MYH15: variants seen among roughly 807,000 people sequenced by gnomAD.
The protein encoded by MYH15 is myosin heavy chain 15, also known as myosin-15.
MYH15 carries 227 observed loss-of-function variants against 240.5 expected under a neutral mutation model. That is an observed-to-expected ratio of 0.94 (90% CI 0.85 to 1.05). The LOEUF (loss-of-function observed/expected upper bound fraction) is 1.05, where lower values mean the gene tolerates loss of function less well. MYH15 is among the 50% of genes least tolerant of loss of function. The pLI, the probability that MYH15 is intolerant of heterozygous loss-of-function variation, is 0.00. For missense variants in MYH15, 2,217 were observed against 2,247.5 expected, an observed-to-expected ratio of 0.99 and a Z score of 0.27; for synonymous variants, 785 against 796.7, an observed-to-expected ratio of 0.99 and a Z score of 0.25.
In MYH15 at chr3:108,381,220, C is replaced by T. The variant is rs1429872977; in HGVS notation, c.*325G>A. On this transcript the variant is annotated 3_prime_UTR_variant, in exon 41 of 41. Transcript: ENST00000693548. ...GGTCTAAGGACATCTTCTATGAGTCCTACCCATTAAGAGGAAATATGGACA... is the reference window on the plus strand; with the variant it reads ...GGTCTAAGGACATCTTCTATGAGTCTTACCCATTAAGAGGAAATATGGACA... The T allele has an allele frequency of 1.3e-5, 5 of 384,434 alleles. No individual in the cohort carries two copies. In the Admixed American group the frequency reaches 1.5e-4, roughly 12 times the overall value. The allele number at this position is 384,434 out of a possible 1,614,324, so 23.8% of individuals were successfully genotyped here.
At chr3:108,453,298 C>A (rs1263208353) in intron 21 of MYH15, among the ~76,000 whole-genome samples, 1 of 152,152 alleles carries the variant, frequency 6.6e-6, no homozygotes, top group African/African-American at 2.4e-5. Flanking sequence ...ATGTAATAAT[C>A]TTTTTCTCTT....
At chr3:108,391,463 AGGTAG>A (rs1168787514) in intron 37 of MYH15, among the ~76,000 whole-genome samples, 10 of 152,170 alleles carry the variant, frequency 6.6e-5, no homozygotes, top group Admixed American at 5.9e-4. Flanking sequence ...TGGAAACACC[AGGTAG>A]CCTTGGAGTG....
At chr3:108,409,960 T>C (rs2082575445) in intron 31 of MYH15, among the ~76,000 whole-genome samples, 1 of 152,202 alleles carries the variant, frequency 6.6e-6, no homozygotes, top group African/African-American at 2.4e-5. Flanking sequence ...TGTACAGGCA[T>C]GCAAAGACCC....
At chr3:108,417,828 T>C (rs552595681) in intron 28 of MYH15, among the ~76,000 whole-genome samples, 25 of 148,484 alleles carry the variant, frequency 1.7e-4, no homozygotes, top group East Asian at 1.4e-3. Flanking sequence ...CACACACACA[T>C]ATACACACTT....
rs2082480280 is a variant in MYH15 at position 108,398,633 on chromosome 3, C to G, written c.5133+4G>C. 2 of 1,612,450 alleles carry G rather than the reference C, an allele frequency of 1.2e-6. No homozygotes were observed. The highest frequency in any genetic ancestry group is 1.1e-5 in the South Asian group (1 of 91,004). On this transcript the variant is annotated splice_donor_region_variant and intron_variant, in intron 35 of 40. Transcript: ENST00000693548. ...AGCTAATAGGGAGAGTATATGGGCCCCACCTGGGTATAGAAAAGATTGATT... is the reference window on the plus strand; with the variant it reads ...AGCTAATAGGGAGAGTATATGGGCCGCACCTGGGTATAGAAAAGATTGATT...
intron 34 of MYH15, 69 bp downstream of exon 34, chr3:108,399,006 G>A: frequency 1.3e-6 from 2 of 1,517,258 alleles, no homozygotes; most frequent in Non-Finnish European, 1.8e-6. Context: ...ACAATCTGTT[G>A]CTTAGTTTGC....
chr3:108,464,124 A>T (rs542460673), intron 15 of MYH15, among the ~76,000 whole-genome samples: 39 of 152,190 alleles, frequency 2.6e-4, no homozygotes, highest in Non-Finnish European at 4.9e-4. Context: ...TTTTTGTTCC[A>T]CCAGAGTCAC....
intron 16 of MYH15, chr3:108,461,796 T>C (rs1185299694): frequency 1.3e-5 from 2 of 152,202 alleles, no homozygotes; most frequent in African/African-American, 4.8e-5. Flanking sequence ...TCCAGAATTA[T>C]GTCATCATGT....
upstream of MYH15, among the ~76,000 whole-genome samples, chr3:108,532,752 G>C (rs547983918): frequency 1.3e-5 from 2 of 152,126 alleles, no homozygotes; most frequent in Non-Finnish European, 2.9e-5. Flanking sequence ...TTTAAGATAC[G>C]ATCAAGGGTA....
At chr3:108,456,955 G>T in intron 18 of MYH15, 72 bp from the exon 19 acceptor site, 1 of 1,086,678 alleles carries the variant, frequency 9.2e-7, no homozygotes, top group South Asian at 1.3e-5. Context: ...TGAACCAATT[G>T]CTGCATCTTG....
At position 108,454,399 on chromosome 3, in the gene MYH15, TA is replaced by T. The variant is rs1560382916; in HGVS notation, c.2263-258del. 1.3e-5 allele frequency among the ~76,000 whole-genome samples: 2 copies of T among 152,204 alleles called. 1 individual carries two copies. The highest frequency in any genetic ancestry group is 2.9e-5 in the Non-Finnish European group (2 of 68,016). ...TTAAACTATTCTTCCCCTTATCTAT[TA>T]ATAATGTCTCAATTGTTTAGGGAAC... On this transcript the variant is annotated intron_variant, in intron 20 of 40. Coordinates refer to ENST00000693548, the MANE Select transcript of MYH15 (RefSeq NM_014981.3).
At chr3:108,408,649 T>C (rs546832141) in intron 31 of MYH15, among the ~76,000 whole-genome samples, 4 of 152,334 alleles carry the variant, frequency 2.6e-5, no homozygotes, top group African/African-American at 7.2e-5. Flanking sequence ...CTTCAGAGTA[T>C]TGTACACTGG....
intron 17 of MYH15, 93 bp downstream of exon 17, chr3:108,460,207 T>C: frequency 8.9e-7 from 1 of 1,128,442 alleles, no homozygotes; most frequent in Non-Finnish European, 1.2e-6. Context: ...CCTGATACTT[T>C]ATCCTTATTT....
At chr3:108,401,844 A>G (rs2082508205) in intron 33 of MYH15, among the ~76,000 whole-genome samples, 1 of 152,256 alleles carries the variant, frequency 6.6e-6, no homozygotes, top group African/African-American at 2.4e-5. Flanking sequence ...CATGTTTCAT[A>G]CAGAGTCAAG....
intron 36 of MYH15, 81 bp downstream of exon 36, chr3:108,393,950 C>T: frequency 6.3e-7 from 1 of 1,583,344 alleles, no homozygotes; most frequent in Non-Finnish European, 8.6e-7. Context: ...TACTTTTTGG[C>T]TGCAGATGTG....
rs183888530 is a variant in MYH15, at chr3:108,516,962, T to C, written c.-57-6375A>G. 6.6e-3 allele frequency among the ~76,000 whole-genome samples: 998 copies of C among 152,224 alleles called. 2 individuals are homozygous for C. Among genetic ancestry groups the C allele is most frequent in the Non-Finnish European group, 0.012 (786 of 67,984 alleles). ...CACTGGGATGTGGCTTTTCCTCCCA[T>C]CCCTCCACAGAAACTGTTCTTTCTA... On this transcript the variant is annotated intron_variant, in intron 1 of 41. Transcript: ENST00000273353.
chr3:108,414,470 G>A (rs750001903), intron 29 of MYH15, 42 bp from the exon 30 acceptor site: 7 of 1,545,662 alleles, frequency 4.5e-6, no homozygotes, highest in Non-Finnish European at 5.3e-6. Flanking sequence ...TGACCACCAT[G>A]AGCAACACAA....
At chr3:108,479,134 T>G (rs2107592313) in intron 11 of MYH15, among the ~76,000 whole-genome samples, 1 of 152,340 alleles carries the variant, frequency 6.6e-6, no homozygotes, top group South Asian at 2.1e-4. Flanking sequence ...AATCTATGAC[T>G]AAATGCCCAT....
Position 108,394,041 on chromosome 3 carries a change from G to A in MYH15, c.5249C>T (p.Ala1750Val). 2 of 1,613,924 alleles carry A rather than the reference G, an allele frequency of 1.2e-6. No homozygotes were observed. The highest frequency in any genetic ancestry group is 1.7e-6 in the Non-Finnish European group (2 of 1,179,976). The change falls in exon 36 of 41, where the codon GCA becomes GTA. Residue 1750 changes from alanine to valine, a missense_variant. Coordinates refer to ENST00000693548, the MANE Select transcript of MYH15 (RefSeq NM_014981.3). ...CQNAEEKAKK[A>V]AIEAANLSEE... ...GGTCAAGGGACCCACCTCAATGGCT[G>A]CCTTCTTGGCCTTCTCTTCTGCATT...
Sources: allele counts gnomAD v4.1 joint callset (sites outside exome capture counted in the v4.1 genomes callset), GRCh38; gene constraint gnomAD v4.1.1; transcripts MANE v1.5; gene names NCBI Gene and HGNC (gene_info 2026-07-23, HGNC 2026-07-21).